Variants in FER1L6 observed in about 807,000 individuals in gnomAD.
FER1L6 encodes fer-1-like protein 6.
Under a neutral mutation model 219.2 loss-of-function variants are expected in FER1L6, and 177 were observed. The ratio of observed to expected loss-of-function variants is 0.81; its 90% CI spans 0.71 to 0.91. The LOEUF (loss-of-function observed/expected upper bound fraction) is 0.91, where lower values mean the gene tolerates loss of function less well. FER1L6 is among the 40% of genes least tolerant of loss of function. The pLI, the probability that FER1L6 is intolerant of heterozygous loss-of-function variation, is 0.00. For missense variants in FER1L6, 2,153 were observed against 2,259.9 expected, an observed-to-expected ratio of 0.95 and a Z score of 0.96; for synonymous variants, 768 against 824.3, an observed-to-expected ratio of 0.93 and a Z score of 1.17.
intron 32 of FER1L6, among the ~76,000 whole-genome samples, chr8:124,078,512 C>A (rs544851041): frequency 6.6e-6 from 1 of 152,326 alleles, no homozygotes; most frequent in Admixed American, 6.5e-5. Context: ...TGTCCACCTG[C>A]AGAACTTCAT....
At chr8:124,015,574 T>TAC (rs1818152732) in intron 15 of FER1L6, among the ~76,000 whole-genome samples, 1 of 22,270 alleles carries the variant, frequency 4.5e-5, no homozygotes, top group African/African-American at 3.4e-4. Context: ...ATAAAAGCTA[T>TAC]ATATATATAT....
chr8:123,976,301 G>A lies in FER1L6; in HGVS notation c.870+217G>A, dbSNP rs560789465. 2.6e-5 allele frequency among the ~76,000 whole-genome samples: 4 copies of A among 152,266 alleles called. No homozygotes were observed. The East Asian group carries it at 5.8e-4, about 22-fold the overall frequency. On this transcript the variant is annotated intron_variant, in intron 9 of 40. Coordinates refer to ENST00000522917, the MANE Select transcript of FER1L6 (RefSeq NM_001039112.2). ...GAATCACTTGAGGCCAGGAGCTCAA[G>A]ACCAGCCTGGCCAACATGGCAAAAC...
At chr8:123,919,706 T>C (rs1813302406) in intron 1 of FER1L6, among the ~76,000 whole-genome samples, 1 of 152,220 alleles carries the variant, frequency 6.6e-6, no homozygotes, top group Admixed American at 6.5e-5. Flanking sequence ...TCATGATCTG[T>C]CATGGTGCTC....
chr8:123,855,865 A>G (rs1452560021), intron 1 of FER1L6, among the ~76,000 whole-genome samples: 38 of 146,884 alleles, frequency 2.6e-4, no homozygotes, highest in East Asian at 2.0e-4. Flanking sequence ...ACCCTAATAT[A>G]TTATGTATTA....
intron 5 of FER1L6, among the ~76,000 whole-genome samples, chr8:123,969,714 A>T (rs1815707839): frequency 1.3e-5 from 2 of 152,000 alleles, no homozygotes; most frequent in African/African-American, 4.8e-5. Flanking sequence ...TTTAAAAAAA[A>T]AATTATCCAG....
rs1472337547 is a variant in FER1L6 at position 124,119,804 on chromosome 8, A to G, written c.*14A>G. The G allele has an allele frequency of 3.7e-6, 6 of 1,611,944 alleles. No individual in the cohort carries two copies. The highest frequency in any genetic ancestry group is 5.1e-6 in the Non-Finnish European group (6 of 1,179,140). On this transcript the variant is annotated 3_prime_UTR_variant, in exon 41 of 41. Transcript: ENST00000522917. The stretch of plus-strand genomic sequence containing the variant: ...GTGGGCTCATAGAGGATCATGGAGG[A>G]CCCAGATCCTCGCCATATACTAATC...
chr8:124,059,675 T>G (rs1820470854), intron 22 of FER1L6, among the ~76,000 whole-genome samples: 1 of 152,238 alleles, frequency 6.6e-6, no homozygotes, highest in Non-Finnish European at 1.5e-5. Flanking sequence ...CTTCACTGAT[T>G]AGGATGCAGT....
intron 37 of FER1L6, 121 bp from the exon 38 acceptor site, chr8:124,100,976 A>C: frequency 1.1e-6 from 1 of 940,238 alleles, no homozygotes; most frequent in Admixed American, 2.3e-5. Context: ...ACTGAATCTA[A>C]TTATAATGAT....
chr8:123,980,436 G>T, intron 10 of FER1L6, 29 bp from the exon 11 acceptor site: 2 of 1,529,914 alleles, frequency 1.3e-6, no homozygotes, highest in South Asian at 2.5e-5. Flanking sequence ...AAAACATAAT[G>T]AGATAACTAA....
chr8:124,030,576 A>C (rs1476090259), intron 18 of FER1L6, among the ~76,000 whole-genome samples: 1 of 151,958 alleles, frequency 6.6e-6, no homozygotes, highest in Non-Finnish European at 1.5e-5. Flanking sequence ...GTGGCGCTCA[A>C]CCTTCCTCTT....
In FER1L6 at chr8:124,055,497, A is replaced by ATC. The variant is rs555777234; in HGVS notation, c.2875-4682_2875-4681dup. On this transcript the variant is annotated intron_variant, in intron 22 of 40. Coordinates refer to ENST00000522917, the MANE Select transcript of FER1L6 (RefSeq NM_001039112.2). ...CCTCAGAGCGATGTCCCCTTCTGCA[A>ATC]TCAGAACTATCTGTTGTTATTCACA... Among the ~76,000 whole-genome samples the ATC allele has an allele frequency of 3.3e-3, 498 of 152,338 alleles. 4 individuals are homozygous for ATC. Among genetic ancestry groups the ATC allele is most frequent in the African/African-American group, 0.011 (466 of 41,580 alleles).
intron 1 of FER1L6, among the ~76,000 whole-genome samples, chr8:123,891,611 G>A (rs537661255): frequency 6.6e-6 from 1 of 152,290 alleles, no homozygotes; most frequent in East Asian, 1.9e-4. Flanking sequence ...GGAAATCACA[G>A]TGTTTTAGTT....
intron 1 of FER1L6, among the ~76,000 whole-genome samples, chr8:123,870,926 T>G (rs1816912521): frequency 6.6e-6 from 1 of 152,190 alleles, no homozygotes; most frequent in South Asian, 2.1e-4. Flanking sequence ...AAATGTTGAC[T>G]AAAGGCAAAA....
In FER1L6 at chr8:124,060,644, T is replaced by A; in HGVS notation, c.3082T>A (p.Ser1028Thr). ...LIECGGQGVK[S>T]CVIQSYKNNP... is the part of the protein sequence containing the mutation. Reference sequence around the variant, plus strand: ...TGAGTGCGGAGGACAAGGTGTGAAGTCCTGCGTGATCCAGAGCTACAAGAA... The same window carrying A: ...TGAGTGCGGAGGACAAGGTGTGAAGACCTGCGTGATCCAGAGCTACAAGAA... The change falls in exon 24 of 41, where the codon TCC becomes ACC. Residue 1028 changes from serine to threonine, a missense_variant. Coordinates refer to ENST00000522917, the MANE Select transcript of FER1L6 (RefSeq NM_001039112.2). 1 of 1,614,082 alleles carries A rather than the reference T, an allele frequency of 6.2e-7. No individual in the cohort carries two copies. The highest frequency in any genetic ancestry group is 2.2e-5 in the East Asian group (1 of 44,866).
At chr8:123,875,787 T>A (rs1816996754) in intron 1 of FER1L6, among the ~76,000 whole-genome samples, 2 of 152,294 alleles carry the variant, frequency 1.3e-5, no homozygotes, top group East Asian at 3.9e-4. Flanking sequence ...GAGTCATCCT[T>A]GACTCCACTC....
intron 22 of FER1L6, among the ~76,000 whole-genome samples, chr8:124,053,033 T>A (rs1416375466): frequency 1.3e-5 from 2 of 152,212 alleles, no homozygotes; most frequent in Non-Finnish European, 2.9e-5. Flanking sequence ...TGAGATCTAG[T>A]CCAGCACTCC....
chr8:124,082,349 C>T lies in FER1L6; in HGVS notation c.4282C>T (p.His1428Tyr). ...CCTGCTCTCCATCCTGATCTATGAC[C>T]ATGACATGATTGGCACAGATGACCT... Reference protein sequence around the residue: ...ESLLSILIYDHDMIGTDDLIG... With the variant: ...ESLLSILIYDYDMIGTDDLIG... Residue 1428 changes from histidine (H) to tyrosine (Y), a missense_variant, in exon 33 of 41, where the codon CAT becomes TAT. Transcript: ENST00000522917. 2 of 1,613,942 alleles carry T rather than the reference C, an allele frequency of 1.2e-6. No individual in the cohort carries two copies. The highest frequency in any genetic ancestry group is 2.2e-5 in the South Asian group (2 of 91,054).
intron 34 of FER1L6, among the ~76,000 whole-genome samples, chr8:124,092,852 CTTTTTTTTT>C (rs56104148): frequency 2.1e-4 from 29 of 140,104 alleles, no homozygotes; most frequent in Non-Finnish European, 2.5e-4. Flanking sequence ...AAGTGCTACC[CTTTTTTTTT>C]TTTTTTTTTT....
intron 1 of FER1L6, among the ~76,000 whole-genome samples, chr8:123,856,830 TG>T (rs768611607): frequency 1.3e-5 from 2 of 152,032 alleles, no homozygotes; most frequent in African/African-American, 2.4e-5. Context: ...GTAGAACCAT[TG>T]TTAGAAAAAA....
Sources: allele counts gnomAD v4.1 joint callset (sites outside exome capture counted in the v4.1 genomes callset), GRCh38; gene constraint gnomAD v4.1.1; transcripts MANE v1.5; gene names NCBI Gene and HGNC (gene_info 2026-07-23, HGNC 2026-07-21).